The following ZNF787 variants were observed in gnomAD, a reference collection of about 807,000 sequenced individuals.
ZNF787 encodes TTF-I-interacting peptide 20.
A neutral mutation model predicts 16.9 loss-of-function variants in ZNF787; 7 were observed. The ratio of observed to expected loss-of-function variants is 0.42; its 90% CI spans 0.24 to 0.78. The LOEUF (loss-of-function observed/expected upper bound fraction) is 0.78. Among genes scored for constraint, ZNF787 ranks in the 30% least tolerant of loss-of-function variants. The pLI is 0.30. For missense variants in ZNF787, 551 were observed against 589.3 expected, an observed-to-expected ratio of 0.94 and a Z score of 0.67; for synonymous variants, 345 against 270.9, an observed-to-expected ratio of 1.27 and a Z score of -2.69.
chr19:56,088,105 C>G lies in ZNF787; in HGVS notation c.1067G>C (p.Arg356Pro). 6.6e-7 allele frequency: 1 copy of G among 1,524,888 alleles called. No homozygotes were observed. The highest frequency in any genetic ancestry group is 8.8e-7 in the Non-Finnish European group (1 of 1,142,828). 94.5% of individuals were successfully genotyped at this position (1,524,888 alleles called of 1,614,324 possible). A position where few individuals can be genotyped will look rare whatever the true frequency, so the allele number is the denominator to read the frequency against. Residue 356 changes from arginine to proline, a missense_variant, in exon 3 of 3, where the codon CGC becomes CCC. By Grantham distance (103) the Arg-to-Pro change is moderately radical. Coordinates refer to ENST00000610935, the MANE Select transcript of ZNF787 (RefSeq NM_001002836.4). The surrounding 1 kb of genome is among the most constrained non-coding windows in gnomAD (Gnocchi z 8.6). ...VCSSCGQSYY[R>P]AGGEEEDDDD... ...GTCGTCCTCCTCCTCCCCGCCCGCG[C>G]GGTAGTAGCTCTGTCCGCAGCTGCT...
chr19:56,095,469 T>G (rs575928206), intron 2 of ZNF787, among the ~76,000 whole-genome samples: 1 of 152,354 alleles, frequency 6.6e-6, no homozygotes, highest in Admixed American at 6.5e-5. Flanking sequence ...ATAAGTTTCC[T>G]TGAATTTCTA....
chr19:56,098,248 T>C (rs1180848528), intron 2 of ZNF787, among the ~76,000 whole-genome samples: 1 of 152,194 alleles, frequency 6.6e-6, no homozygotes, highest in Non-Finnish European at 1.5e-5. Flanking sequence ...GTCCAACTCC[T>C]TTCCTCTTCA....
In ZNF787 at chr19:56,087,773, C is replaced by T; in HGVS notation, c.*250G>A. 8.1e-6 allele frequency: 4 copies of T among 491,126 alleles called. No homozygotes were observed. The highest frequency in any genetic ancestry group is 1.2e-5 in the Non-Finnish European group (4 of 330,044). The allele number at this position is 491,126 out of a possible 1,614,324, so 30.4% of individuals were successfully genotyped here. On this transcript the variant is annotated 3_prime_UTR_variant, in exon 3 of 3. Transcript: ENST00000610935. ...AGTTCTCTCCATTGTCTCTCCGGCT[C>T]GCAGGCCGATAACTTAGGAAGGGCG...
intron 2 of ZNF787, among the ~76,000 whole-genome samples, chr19:56,100,942 T>A (rs647936): frequency 5.1e-5 from 5 of 98,662 alleles, no homozygotes; most frequent in South Asian, 6.9e-4. Context: ...GAACGATGTC[T>A]GTCACTGTCA....
chr19:56,101,377 G>T (rs1223064765), intron 2 of ZNF787, among the ~76,000 whole-genome samples: 1 of 152,286 alleles, frequency 6.6e-6, no homozygotes, highest in African/African-American at 2.4e-5. Flanking sequence ...CCTCCCCGGA[G>T]CCAGCTGCCT....
At chr19:56,099,120 C>T (rs983837620) in intron 2 of ZNF787, among the ~76,000 whole-genome samples, 1 of 152,184 alleles carries the variant, frequency 6.6e-6, no homozygotes, top group African/African-American at 2.4e-5. Context: ...CCACTGCTGT[C>T]CGGGTTCCCT....
At chr19:56,116,954 G>C (rs1182560677) in intron 1 of ZNF787, among the ~76,000 whole-genome samples, 1 of 152,176 alleles carries the variant, frequency 6.6e-6, no homozygotes, top group Non-Finnish European at 1.5e-5. Context: ...AAGCACATAA[G>C]CTCTGATCCT....
intron 1 of ZNF787, among the ~76,000 whole-genome samples, chr19:56,117,867 TC>T (rs1401771517): frequency 2.6e-5 from 4 of 152,202 alleles, no homozygotes; most frequent in Admixed American, 2.6e-4. Flanking sequence ...AAGGACCACT[TC>T]TGATGCATCT....
At position 56,089,033 on chromosome 19, in the gene ZNF787, G is replaced by C. The variant is rs2043558828; in HGVS notation, c.139C>G (p.Pro47Ala). 6.8e-7 allele frequency: 1 copy of C among 1,472,610 alleles called. No homozygotes were observed. The highest frequency in any genetic ancestry group is 2.7e-5 in the Admixed American group (1 of 37,684). 91.2% of individuals were successfully genotyped at this position (1,472,610 alleles called of 1,614,324 possible). The change falls in exon 3 of 3, where the codon CCG (proline) becomes GCG (alanine). Residue 47 changes from proline to alanine, a missense_variant. Physicochemically the swap from Pro to Ala is conservative, Grantham distance 27 (BLOSUM62 -1). Transcript: ENST00000610935. ...CCGGCTGGGGGCGCAGACTGGGGCG[G>C]GGACAGCTTGGTGGGAGGCCAGCTG... ...VPSWPPTKLSPPQSAPPAGPP... is the reference protein window; with the variant it reads ...VPSWPPTKLSAPQSAPPAGPP...
In ZNF787 at chr19:56,088,496, C is replaced by T; in HGVS notation, c.676G>A (p.Ala226Thr). 1 of 1,383,758 alleles carries T rather than the reference C, an allele frequency of 7.2e-7. No individual in the cohort carries two copies. Among genetic ancestry groups the T allele is most frequent in the Non-Finnish European group, 9.3e-7 (1 of 1,072,874 alleles). The allele number at this position is 1,383,758 out of a possible 1,614,324, so 85.7% of individuals were successfully genotyped here. A position where few individuals can be genotyped will look rare whatever the true frequency, so the allele number is the denominator to read the frequency against. Residue 226 changes from alanine to threonine, a missense_variant, in exon 3 of 3, where the codon GCG (alanine) becomes ACG (threonine). This residue lies in a region of ZNF787 where 392 missense variants were observed against 312.7 expected (regional missense o/e 1.25). Coordinates refer to ENST00000610935, the MANE Select transcript of ZNF787 (RefSeq NM_001002836.4). The surrounding 1 kb of genome is among the most constrained non-coding windows in gnomAD (Gnocchi z 8.6). ...GCGATCTCGCCGTCCGCCGCCACCG[C>T]CTCTTCGGGCCCCTTGGCCCGCCGG... ...SVRRAKGPEEAVAADGEIAIP... is the reference protein window; with the variant it reads ...SVRRAKGPEETVAADGEIAIP...
intron 1 of ZNF787, among the ~76,000 whole-genome samples, chr19:56,109,777 G>T (rs545147921): frequency 6.6e-6 from 1 of 152,164 alleles, no homozygotes; most frequent in Non-Finnish European, 1.5e-5. Flanking sequence ...CCAGCTACTC[G>T]GGAGGCTGAG....
At chr19:56,116,883 G>A (rs1284738633) in intron 1 of ZNF787, among the ~76,000 whole-genome samples, 1 of 152,122 alleles carries the variant, frequency 6.6e-6, no homozygotes, top group African/African-American at 2.4e-5. Flanking sequence ...CTTATCCAGC[G>A]ACAAAAGATC....
chr19:56,092,210 A>C (rs1985631854), intron 2 of ZNF787, among the ~76,000 whole-genome samples: 1 of 152,184 alleles, frequency 6.6e-6, no homozygotes, highest in Admixed American at 6.5e-5. Context: ...AGAAACAATG[A>C]GGGCCGGGGC....
Position 56,087,862 on chromosome 19 carries a change from C to T in ZNF787, c.*161G>A, listed in dbSNP as rs557828971. 3.5e-6 allele frequency: 4 copies of T among 1,145,562 alleles called. No individual in the cohort carries two copies. In the East Asian group the frequency reaches 1.1e-4, roughly 32 times the overall value. 71.0% of individuals were successfully genotyped at this position (1,145,562 alleles called of 1,614,324 possible). On this transcript the variant is annotated 3_prime_UTR_variant, in exon 3 of 3. Transcript: ENST00000610935. ...GAACGGGCCCTAATACGCCCCAGTG[C>T]CCCCCCACGGACGGCGCAGGGACAG...
At position 56,087,381 on chromosome 19, in the gene ZNF787, C is replaced by G. The variant is rs1295573003; in HGVS notation, c.*642G>C. The G allele has an allele frequency of 6.6e-6, 1 of 152,262 alleles. No individual in the cohort carries two copies. Among genetic ancestry groups the G allele is most frequent in the Non-Finnish European group, 1.5e-5 (1 of 68,120 alleles). The allele number at this position is 152,262 out of a possible 1,614,324, so 9.4% of individuals were successfully genotyped here. A position where few individuals can be genotyped will look rare whatever the true frequency, so the allele number is the denominator to read the frequency against. ...CGCAGAGGGGGACATTTGGATAGTG[C>G]CGTTTATTGTTCCAGCACCCCTTCC... On this transcript the variant is annotated 3_prime_UTR_variant, in exon 3 of 3. Coordinates refer to ENST00000610935, the MANE Select transcript of ZNF787 (RefSeq NM_001002836.4).
At chr19:56,092,032 AAGCCG>A (rs1272954369) in intron 2 of ZNF787, among the ~76,000 whole-genome samples, 9 of 150,240 alleles carry the variant, frequency 6.0e-5, no homozygotes, top group Non-Finnish European at 1.5e-5. Flanking sequence ...GCCGAAGCCG[AAGCCG>A]AAGCCGAAGC....
chr19:56,120,177 C>T (rs1278790007), intron 1 of ZNF787, among the ~76,000 whole-genome samples: 1 of 151,984 alleles, frequency 6.6e-6, no homozygotes, highest in Non-Finnish European at 1.5e-5. Context: ...TCCCTGCTCC[C>T]TGTCTCTAGT....
intron 2 of ZNF787, among the ~76,000 whole-genome samples, chr19:56,092,014 AAACCG>A (rs1985610778): frequency 1.2e-5 from 1 of 85,428 alleles, no homozygotes; most frequent in African/African-American, 3.6e-5. Flanking sequence ...GCCAAAGCCG[AAACCG>A]AAGCCGAAGC....
chr19:56,102,495 G>T, intron 2 of ZNF787: 1 of 196,004 alleles, frequency 5.1e-6, no homozygotes, highest in Non-Finnish European at 1.0e-5. Flanking sequence ...TGGGGCCTTC[G>T]CAAGCAAACC....
Sources: gnomAD v4.1 joint callset for allele counts (sites outside exome capture counted in the v4.1 genomes callset) on GRCh38, gnomAD v4.1.1 for gene constraint, gnomAD v4.1.1 regional missense constraint, Gnocchi (gnomAD v3.1) non-coding constraint, MANE v1.5 for transcripts, NCBI Gene and HGNC (gene_info 2026-07-23, HGNC 2026-07-21) for gene names.